ENKUR: variants seen among roughly 807,000 people sequenced by gnomAD.
ENKUR encodes the protein enkurin.
A neutral mutation model predicts 27.6 loss-of-function variants in ENKUR; 19 were observed. That is an observed-to-expected ratio of 0.69 (90% confidence interval 0.48 to 1.01). The LOEUF (loss-of-function observed/expected upper bound fraction) is 1.01, where lower values mean the gene tolerates loss of function less well. Ranked by LOEUF, ENKUR falls within the 50% of genes least tolerant of loss-of-function variation. ENKUR has a pLI of 0.00. For synonymous variants in ENKUR, 117 were observed against 96.9 expected (o/e 1.21, Z -1.22); for missense variants, 312 against 310.5 (o/e 1.00, Z -0.04).
At chr10:25,022,303 T>C (rs1352293905) in intron 2 of ENKUR, among the ~76,000 whole-genome samples, 3 of 152,194 alleles carry the variant, frequency 2.0e-5, no homozygotes, top group Non-Finnish European at 4.4e-5. Flanking sequence ...ATTGGAAACA[T>C]TCCTGAGGTT....
chr10:25,024,736 T>C, intron 2 of ENKUR: 2 of 1,614,214 alleles, frequency 1.2e-6, no homozygotes. Context: ...AGTCGATGTC[T>C]GTATTCCCAC....
intron 2 of ENKUR, among the ~76,000 whole-genome samples, chr10:25,035,891 G>T (rs552885196): frequency 6.6e-6 from 1 of 152,162 alleles, no homozygotes; most frequent in Non-Finnish European, 1.5e-5. Flanking sequence ...ATCTTTGGGC[G>T]TCAGTTCACT....
chr10:24,996,669 A>C (rs1850066509), intron 2 of ENKUR, among the ~76,000 whole-genome samples: 1 of 152,120 alleles, frequency 6.6e-6, no homozygotes. Flanking sequence ...TTTTAACCCC[A>C]TCACAATTAC....
At chr10:25,024,605 A>G (rs1429550072) in intron 2 of ENKUR, 4 of 1,614,120 alleles carry the variant, frequency 2.5e-6, no homozygotes, top group Non-Finnish European at 3.4e-6. Flanking sequence ...ACTGTGGAAT[A>G]TGGAACAATC....
At chr10:25,023,323 T>A (rs765220072) in intron 2 of ENKUR, 1 of 1,614,028 alleles carries the variant, frequency 6.2e-7, no homozygotes, top group Non-Finnish European at 8.5e-7. Flanking sequence ...GCGATTTCTT[T>A]CAAGAACCTT....
At chr10:24,988,084 C>T (rs1228971530) in intron 4 of ENKUR, among the ~76,000 whole-genome samples, 4 of 151,266 alleles carry the variant, frequency 2.6e-5, no homozygotes, top group Admixed American at 2.0e-4. Context: ...ATTAGGTGGG[C>T]GTGGTGGTGC....
At chr10:24,995,621 T>A in intron 3 of ENKUR, 25 bp downstream of exon 3, 1 of 1,571,808 alleles carries the variant, frequency 6.4e-7, no homozygotes, top group Non-Finnish European at 8.7e-7. Context: ...ATTTCAGCCC[T>A]CTTATTAATA....
At chr10:25,020,740 CA>C (rs36007062), upstream of ENKUR, among the ~76,000 whole-genome samples, 37,123 of 133,796 alleles carry the variant, frequency 0.28, 5,264 homozygotes, top group East Asian at 0.52. Flanking sequence ...GACCCTTTCT[CA>C]AAAAAAAAAA....
At chr10:25,046,122 C>T (rs1370119118) in intron 2 of ENKUR, among the ~76,000 whole-genome samples, 4 of 152,152 alleles carry the variant, frequency 2.6e-5, no homozygotes, top group African/African-American at 9.7e-5. Context: ...TAGAGCAAAG[C>T]TTAGCAAATG....
intron 2 of ENKUR, among the ~76,000 whole-genome samples, chr10:25,053,600 A>G (rs114794241): frequency 0.012 from 1,898 of 152,262 alleles, 45 homozygotes; most frequent in African/African-American, 0.044. Context: ...TAGCTCAATG[A>G]AAGTAGGTGA....
At chr10:25,022,647 C>T (rs1302788172) in intron 2 of ENKUR, among the ~76,000 whole-genome samples, 2 of 152,060 alleles carry the variant, frequency 1.3e-5, no homozygotes, top group African/African-American at 2.4e-5. Flanking sequence ...GTTATGACTT[C>T]TATAAGAAAT....
At chr10:24,990,867 G>C (rs187711929) in intron 3 of ENKUR, among the ~76,000 whole-genome samples, 10 of 143,132 alleles carry the variant, frequency 7.0e-5, no homozygotes, top group Non-Finnish European at 1.0e-4. Flanking sequence ...GCTGAGGGGT[G>C]GGGGGGTGGA....
intron 2 of ENKUR, among the ~76,000 whole-genome samples, chr10:25,035,896 TTCACTGCACTTAAAGA>T (rs1421591510): frequency 1.3e-5 from 2 of 152,226 alleles, no homozygotes; most frequent in Non-Finnish European, 2.9e-5. Context: ...TGGGCGTCAG[TTCACTGCACTTAAAGA>T]TCACACACTT....
intron 4 of ENKUR, among the ~76,000 whole-genome samples, chr10:24,988,950 C>T (rs1849864892): frequency 6.6e-6 from 1 of 151,694 alleles, no homozygotes; most frequent in Non-Finnish European, 1.5e-5. Flanking sequence ...CAGCTCTGCT[C>T]CCTGGCTCAT....
chr10:25,020,238 ATATATC>A (rs1554772119), upstream of ENKUR, among the ~76,000 whole-genome samples: 4,919 of 126,616 alleles, frequency 0.039, 96 homozygotes, highest in Non-Finnish European at 0.054. Context: ...TTTCTTTAAA[ATATATC>A]TATATCTATA....
intron 1 of ENKUR, among the ~76,000 whole-genome samples, chr10:25,061,952 C>T (rs1851333724): frequency 6.6e-6 from 1 of 152,188 alleles, no homozygotes; most frequent in African/African-American, 2.4e-5. Context: ...CTGAGTCAGA[C>T]TGCAAAAGTG....
intron 2 of ENKUR, among the ~76,000 whole-genome samples, chr10:25,038,619 G>A (rs1296352023): frequency 1.3e-5 from 2 of 152,118 alleles, no homozygotes; most frequent in African/African-American, 4.8e-5. Context: ...GTCAAATTTG[G>A]AGAGAACTCA....
At chr10:25,024,611 C>CAA (rs748378152) in intron 2 of ENKUR, 1 of 1,614,198 alleles carries the variant, frequency 6.2e-7, no homozygotes, top group South Asian at 1.1e-5. Flanking sequence ...GAATATGGAA[C>CAA]AATCTTAAGT....
chr10:25,010,059 G>A (rs777098889), intron 1 of ENKUR, among the ~76,000 whole-genome samples: 3 of 152,184 alleles, frequency 2.0e-5, no homozygotes, highest in East Asian at 1.9e-4. Flanking sequence ...ACAGGCAGAG[G>A]TTGGAACAGT....
Sources: allele counts gnomAD v4.1 joint callset (sites outside exome capture counted in the v4.1 genomes callset), GRCh38; gene constraint gnomAD v4.1.1; transcripts MANE v1.5; gene names NCBI Gene and HGNC (gene_info 2026-07-23, HGNC 2026-07-21).